Variants in NEGR1 observed in about 807,000 individuals in gnomAD.
NEGR1 encodes the protein neuronal growth regulator 1.
Under a neutral mutation model 40.9 loss-of-function variants are expected in NEGR1, and 10 were observed. The observed-to-expected ratio is 0.24, with a 90% confidence interval of 0.15 to 0.42. NEGR1 has a LOEUF of 0.42. Ranked by LOEUF, NEGR1 falls within the 10% of genes least tolerant of loss-of-function variation. The pLI is 1.00. For synonymous variants in NEGR1, 185 were observed against 166.8 expected, an observed-to-expected ratio of 1.11 and a Z score of -0.84; for missense variants, 352 against 438.9, an observed-to-expected ratio of 0.80 and a Z score of 1.77.
At position 71,879,107 on chromosome 1, in the gene NEGR1, T is replaced by C. The variant is rs1452388702; in HGVS notation, c.409+55972A>G. On this transcript the variant is annotated intron_variant, in intron 2 of 6. Transcript: ENST00000357731. ...GAGATCGCGCCATTGCACTCCAGCC[T>C]GGGAAACAAGAGTGAAACTCTGTCT... Among the ~76,000 whole-genome samples, 4 of 148,672 alleles carry C rather than the reference T, an allele frequency of 2.7e-5. No individual in the cohort carries two copies. In the East Asian group the frequency reaches 8.1e-4, roughly 30 times the overall value.
At chr1:71,944,431 G>A (rs941844191) in intron 1 of NEGR1, among the ~76,000 whole-genome samples, 3 of 151,944 alleles carry the variant, frequency 2.0e-5, no homozygotes, top group Admixed American at 2.0e-4. Flanking sequence ...CTAAATTGAG[G>A]GAATAAAGGA....
At chr1:71,978,472 T>C (rs1186676703) in intron 1 of NEGR1, among the ~76,000 whole-genome samples, 2 of 152,094 alleles carry the variant, frequency 1.3e-5, no homozygotes, top group Non-Finnish European at 2.9e-5. Flanking sequence ...TAAATACAAA[T>C]TATGGCCCTG....
At chr1:71,588,447 A>G (rs1479703589) in intron 6 of NEGR1, among the ~76,000 whole-genome samples, 1 of 152,072 alleles carries the variant, frequency 6.6e-6, no homozygotes, top group Non-Finnish European at 1.5e-5. Flanking sequence ...TGTACTTTTT[A>G]CAACATAGAA....
chr1:71,432,761 A>G (rs138248486), intron 6 of NEGR1, among the ~76,000 whole-genome samples: 154 of 152,254 alleles, frequency 1.0e-3, no homozygotes, highest in African/African-American at 3.6e-3. Flanking sequence ...TTGCCACTCA[A>G]TGGAATTATT....
intron 1 of NEGR1, among the ~76,000 whole-genome samples, chr1:72,157,479 C>CT (rs1373858662): frequency 6.6e-6 from 1 of 152,148 alleles, no homozygotes; most frequent in African/African-American, 2.4e-5. Flanking sequence ...TTTTGTAACT[C>CT]TCACATATAT....
At chr1:72,174,566 T>A (rs1652094521) in intron 1 of NEGR1, among the ~76,000 whole-genome samples, 1 of 152,196 alleles carries the variant, frequency 6.6e-6, no homozygotes, top group Non-Finnish European at 1.5e-5. Context: ...TTAGGCATTT[T>A]TAAATTCTGT....
chr1:71,917,798 AG>A (rs1405598917), intron 2 of NEGR1, among the ~76,000 whole-genome samples: 13 of 140,348 alleles, frequency 9.3e-5, no homozygotes, highest in Admixed American at 4.3e-4. Flanking sequence ...AAAAAAAAAA[AG>A]TAAGTCATAT....
intron 6 of NEGR1, among the ~76,000 whole-genome samples, chr1:71,556,600 T>C (rs1648258888): frequency 6.6e-6 from 1 of 151,024 alleles, no homozygotes; most frequent in Non-Finnish European, 1.5e-5. Context: ...GCGACAATGT[T>C]TTCAAATGGG....
chr1:72,222,703 C>T (rs1016266738), intron 1 of NEGR1, among the ~76,000 whole-genome samples: 12 of 152,072 alleles, frequency 7.9e-5, no homozygotes, highest in Non-Finnish European at 7.4e-5. Context: ...GATAATCCTA[C>T]GTGACTTCAG....
At chr1:72,272,953 C>T (rs866101848) in intron 1 of NEGR1, among the ~76,000 whole-genome samples, 4 of 150,548 alleles carry the variant, frequency 2.7e-5, no homozygotes, top group African/African-American at 9.7e-5. Flanking sequence ...CCTCTATTCT[C>T]CTTTTCTTAG....
chr1:71,432,080 T>C (rs1646473318), intron 6 of NEGR1, among the ~76,000 whole-genome samples: 1 of 152,142 alleles, frequency 6.6e-6, no homozygotes, highest in Non-Finnish European at 1.5e-5. Flanking sequence ...GACAAGATCA[T>C]ATAGGTCCCA....
chr1:71,839,956 C>G (rs576222868), intron 2 of NEGR1, among the ~76,000 whole-genome samples: 27 of 152,184 alleles, frequency 1.8e-4, no homozygotes, highest in African/African-American at 6.3e-4. Context: ...TTTCTTCTTA[C>G]TAGTATTAGA....
At chr1:71,766,922 C>T (rs1656153219) in intron 3 of NEGR1, among the ~76,000 whole-genome samples, 1 of 152,192 alleles carries the variant, frequency 6.6e-6, no homozygotes, top group Non-Finnish European at 1.5e-5. Context: ...TGCTGGCTTT[C>T]CCTTTGCCTT....
chr1:72,145,010 A>T (rs571041559), intron 1 of NEGR1, among the ~76,000 whole-genome samples: 34 of 152,096 alleles, frequency 2.2e-4, no homozygotes, highest in South Asian at 6.2e-4. Flanking sequence ...CCCTTGTTAA[A>T]AGCATGTCAG....
intron 1 of NEGR1, among the ~76,000 whole-genome samples, chr1:72,064,001 A>C (rs1162726492): frequency 6.6e-6 from 1 of 152,004 alleles, no homozygotes; most frequent in Non-Finnish European, 1.5e-5. Flanking sequence ...TTAAGAAACA[A>C]TTGAAGGGAT....
intron 2 of NEGR1, among the ~76,000 whole-genome samples, chr1:71,829,858 G>A (rs1658777889): frequency 6.6e-6 from 1 of 151,918 alleles, no homozygotes; most frequent in Non-Finnish European, 1.5e-5. Context: ...CCAGGGAACT[G>A]TTAGGCACAG....
intron 6 of NEGR1, among the ~76,000 whole-genome samples, chr1:71,473,307 T>C (rs1031636081): frequency 2.0e-5 from 3 of 152,094 alleles, no homozygotes; most frequent in African/African-American, 7.2e-5. Flanking sequence ...AAATAGGGCA[T>C]GGATTACCTA....
intron 3 of NEGR1, among the ~76,000 whole-genome samples, chr1:71,725,864 C>T (rs929730045): frequency 6.6e-6 from 1 of 152,052 alleles, no homozygotes; most frequent in African/African-American, 2.4e-5. Context: ...CACTGCTCCT[C>T]CTCAGTGATA....
At chr1:71,818,087 G>A (rs1658292947) in intron 2 of NEGR1, among the ~76,000 whole-genome samples, 1 of 151,996 alleles carries the variant, frequency 6.6e-6, no homozygotes, top group African/African-American at 2.4e-5. Flanking sequence ...ATACACTGGT[G>A]ATTGGGGTGT....
Sources: gnomAD v4.1 joint callset for allele counts (sites outside exome capture counted in the v4.1 genomes callset) on GRCh38, gnomAD v4.1.1 for gene constraint, MANE v1.5 for transcripts, NCBI Gene and HGNC (gene_info 2026-07-23, HGNC 2026-07-21) for gene names.